KCNK3: variants seen among roughly 807,000 people sequenced by gnomAD.
The protein encoded by KCNK3 is potassium channel subfamily K member 3.
A neutral mutation model predicts 27.3 loss-of-function variants in KCNK3; 9 were observed. The ratio of observed to expected loss-of-function variants is 0.33; its 90% CI spans 0.20 to 0.57. KCNK3 has a LOEUF of 0.57. KCNK3 is among the 20% of genes least tolerant of loss of function. The pLI is 0.87. For synonymous variants in KCNK3, 278 were observed against 273.8 expected, an observed-to-expected ratio of 1.02 and a Z score of -0.15; for missense variants, 391 against 577.7, an observed-to-expected ratio of 0.68 and a Z score of 3.31.
chr2:26,727,365 C>G (rs921546349), intron 1 of KCNK3, among the ~76,000 whole-genome samples: 1 of 152,182 alleles, frequency 6.6e-6, no homozygotes, highest in Non-Finnish European at 1.5e-5. Flanking sequence ...AAAACAGTCC[C>G]GTCATTGAGG....
In KCNK3 at chr2:26,728,001, G is replaced by A. The variant is rs536179160; in HGVS notation, c.618G>A (p.Val206=). The A allele has an allele frequency of 4.3e-6, 7 of 1,614,258 alleles. No individual in the cohort carries two copies. The African/African-American group carries it at 9.3e-5, about 22-fold the overall frequency. ...TLTTIGFGDY[V]ALQKDQALQT... The stretch of plus-strand genomic sequence containing the variant: ...CCACCATCGGCTTCGGCGACTACGT[G>A]GCGCTGCAGAAGGACCAGGCCCTGC... The change falls in exon 2 of 2, where the codon GTG becomes GTA. Residue 206 remains valine (V), a synonymous_variant. Transcript: ENST00000302909.
At chr2:26,711,513 A>C (rs1663108781) in intron 1 of KCNK3, among the ~76,000 whole-genome samples, 1 of 151,952 alleles carries the variant, frequency 6.6e-6, no homozygotes, top group African/African-American at 2.4e-5. Flanking sequence ...GCTGAACCCT[A>C]ATCCAGGCTG....
rs1171252130 is a variant in KCNK3 at position 26,730,933 on chromosome 2, C to A, written c.*2365C>A. On this transcript the variant is annotated 3_prime_UTR_variant, in exon 2 of 2. Coordinates refer to ENST00000302909, the MANE Select transcript of KCNK3 (RefSeq NM_002246.3). ...CTGTTCAGTCTCTGCTGGGTCTTTC[C>A]TAGGGACCTGGAAGGCCAGTGTTGC... The A allele has an allele frequency of 6.6e-6, 1 of 152,510 alleles. No homozygotes were observed. Among genetic ancestry groups the A allele is most frequent in the Non-Finnish European group, 1.5e-5 (1 of 68,292 alleles). 9.4% of individuals were successfully genotyped at this position (152,510 alleles called of 1,614,324 possible).
intron 1 of KCNK3, among the ~76,000 whole-genome samples, chr2:26,726,124 G>T (rs1449499836): frequency 2.0e-5 from 3 of 151,968 alleles, no homozygotes; most frequent in South Asian, 2.1e-4. Flanking sequence ...GAGAGAGAGA[G>T]AGAGAGAGAG....
Position 26,721,216 on chromosome 2 carries a change from G to T in KCNK3, c.284-6451G>T, listed in dbSNP as rs1228904536. 5.9e-5 allele frequency among the ~76,000 whole-genome samples: 9 copies of T among 152,086 alleles called. No individual in the cohort carries two copies. The highest frequency in any genetic ancestry group is 1.9e-4 in the African/African-American group (8 of 41,400). On this transcript the variant is annotated intron_variant, in intron 1 of 1. Transcript: ENST00000302909. The surrounding 1 kb of genome is among the most constrained non-coding windows in gnomAD (Gnocchi z 4.3). ...AGCCAGCCCTGCAGGACTCCTCTGT[G>T]GACATGAGTGCCCAAATACAGGGTG...
intron 1 of KCNK3, among the ~76,000 whole-genome samples, chr2:26,726,037 C>T (rs1425021355): frequency 6.6e-6 from 1 of 151,386 alleles, no homozygotes; most frequent in Non-Finnish European, 1.5e-5. Flanking sequence ...GTATTATTAA[C>T]CCCATTTTAT....
intron 1 of KCNK3, among the ~76,000 whole-genome samples, chr2:26,704,687 C>T (rs574247091): frequency 1.2e-3 from 189 of 152,344 alleles, no homozygotes; most frequent in African/African-American, 4.4e-3. Context: ...TCCCCCTGCC[C>T]GTGCAGAGGA....
At chr2:26,713,777 CAAA>C (rs111240045) in intron 1 of KCNK3, among the ~76,000 whole-genome samples, 2 of 95,738 alleles carry the variant, frequency 2.1e-5, no homozygotes, top group Non-Finnish European at 2.2e-5. Context: ...GAATCCATCT[CAAA>C]AAAAAAAAAA....
intron 1 of KCNK3, among the ~76,000 whole-genome samples, chr2:26,717,919 C>G (rs1024158361): frequency 2.6e-5 from 4 of 152,168 alleles, no homozygotes. Context: ...TGTGCCAAGC[C>G]CCCTTCCAGG....
chr2:26,701,576 C>T (rs1207612928), intron 1 of KCNK3, among the ~76,000 whole-genome samples: 1 of 152,248 alleles, frequency 6.6e-6, no homozygotes, highest in African/African-American at 2.4e-5. Flanking sequence ...CTCATATCAT[C>T]AGCCTGTCTT....
At chr2:26,697,263 C>T (rs984283743) in intron 1 of KCNK3, among the ~76,000 whole-genome samples, 10 of 152,276 alleles carry the variant, frequency 6.6e-5, no homozygotes, top group East Asian at 1.9e-4. Context: ...CTTTGGGAGG[C>T]GGAGGCAGAA....
At chr2:26,710,823 G>A (rs1185178703) in intron 1 of KCNK3, among the ~76,000 whole-genome samples, 1 of 152,168 alleles carries the variant, frequency 6.6e-6, no homozygotes, top group Non-Finnish European at 1.5e-5. Flanking sequence ...CAGACACCAC[G>A]GAGGTCCAGC....
At chr2:26,696,060 G>C (rs1297728085) in intron 1 of KCNK3, among the ~76,000 whole-genome samples, 1 of 152,202 alleles carries the variant, frequency 6.6e-6, no homozygotes, top group Non-Finnish European at 1.5e-5. Flanking sequence ...CCAAACCCAA[G>C]GGCAGCAGCC....
At chr2:26,715,387 G>A (rs1280324832) in intron 1 of KCNK3, among the ~76,000 whole-genome samples, 1 of 152,224 alleles carries the variant, frequency 6.6e-6, no homozygotes, top group Non-Finnish European at 1.5e-5. Context: ...GCTGCTGTGT[G>A]CCAGGCACTG....
At chr2:26,699,207 G>GAGAAAGAAAGACAGAA (rs1553384398) in intron 1 of KCNK3, among the ~76,000 whole-genome samples, 19 of 130,966 alleles carry the variant, frequency 1.5e-4, no homozygotes, top group African/African-American at 5.2e-4. Context: ...AGGAAAGAGA[G>GAGAAAGAAAGACAGAA]AGAAAGAAAG....
intron 1 of KCNK3, among the ~76,000 whole-genome samples, chr2:26,706,061 GATCTGGGA>G (rs1168671792): frequency 6.6e-6 from 1 of 152,194 alleles, no homozygotes; most frequent in Non-Finnish European, 1.5e-5. Flanking sequence ...CTGCAGCCTG[GATCTGGGA>G]TGATGGAGAA....
At chr2:26,710,114 T>C (rs1480718166) in intron 1 of KCNK3, among the ~76,000 whole-genome samples, 2 of 152,196 alleles carry the variant, frequency 1.3e-5, no homozygotes, top group East Asian at 3.9e-4. Context: ...CCTTGCGAGA[T>C]GTTCCCGCAC....
intron 1 of KCNK3, among the ~76,000 whole-genome samples, chr2:26,711,743 C>A (rs759044468): frequency 1.3e-5 from 2 of 152,204 alleles, no homozygotes; most frequent in Non-Finnish European, 1.5e-5. Flanking sequence ...ACGTAGTAAG[C>A]GCTCTATAAA....
rs1663483487 is a variant in KCNK3 at position 26,728,860 on chromosome 2, T to C, written c.*292T>C. On this transcript the variant is annotated 3_prime_UTR_variant, in exon 2 of 2. Coordinates refer to ENST00000302909, the MANE Select transcript of KCNK3 (RefSeq NM_002246.3). ...GGAGCCTCCCTTCCCTTTGAAAATC[T>C]AAGAAGCTCCCAGTCCTCAGAGACC... The C allele has an allele frequency of 2.9e-6, 1 of 344,148 alleles. No individual in the cohort carries two copies. Among genetic ancestry groups the C allele is most frequent in the Non-Finnish European group, 5.2e-6 (1 of 191,572 alleles). 21.3% of individuals were successfully genotyped at this position (344,148 alleles called of 1,614,324 possible). A position where few individuals can be genotyped will look rare whatever the true frequency, so the allele number is the denominator to read the frequency against.
Sources: allele counts gnomAD v4.1 joint callset (sites outside exome capture counted in the v4.1 genomes callset), GRCh38; gene constraint gnomAD v4.1.1; non-coding constraint Gnocchi (gnomAD v3.1); transcripts MANE v1.5; gene names NCBI Gene and HGNC (gene_info 2026-07-23, HGNC 2026-07-21).